GRM5: variants seen among roughly 807,000 people sequenced by gnomAD.
GRM5 encodes the protein glutamate metabotropic receptor 5.
GRM5 carries 19 observed loss-of-function variants against 83.1 expected under a neutral mutation model. The ratio of observed to expected loss-of-function variants is 0.23; its 90% CI spans 0.16 to 0.34. The LOEUF (loss-of-function observed/expected upper bound fraction) is 0.34, where lower values mean the gene tolerates loss of function less well. Among genes scored for constraint, GRM5 ranks in the 10% least tolerant of loss-of-function variants. GRM5 has a pLI of 1.00. For missense variants in GRM5, 1,160 were observed against 1,588.3 expected, an observed-to-expected ratio of 0.73 and a Z score of 4.58; for synonymous variants, 675 against 633.6, an observed-to-expected ratio of 1.07 and a Z score of -0.98.
At chr11:88,799,115 C>T (rs4753199) in intron 3 of GRM5, among the ~76,000 whole-genome samples, 74,175 of 151,818 alleles carry the variant, frequency 0.49, 21,416 homozygotes, top group African/African-American at 0.76. Context: ...ACATGGCCTT[C>T]AACTTAAAAA....
At chr11:88,973,743 T>C (rs907704502) in intron 2 of GRM5, among the ~76,000 whole-genome samples, 3 of 152,100 alleles carry the variant, frequency 2.0e-5, no homozygotes, top group African/African-American at 7.2e-5. Flanking sequence ...CACAGGAAAC[T>C]AATACAAGGA....
chr11:89,042,474 A>G (rs1941556345), intron 2 of GRM5, among the ~76,000 whole-genome samples: 1 of 152,224 alleles, frequency 6.6e-6, no homozygotes, highest in Non-Finnish European at 1.5e-5. Context: ...AATACAGAAG[A>G]TTAAATGCTG....
chr11:88,760,633 A>C (rs1330833750), intron 3 of GRM5, among the ~76,000 whole-genome samples: 2 of 152,162 alleles, frequency 1.3e-5, no homozygotes, highest in African/African-American at 4.8e-5. Context: ...CTAGATGTAC[A>C]AAAAAGAGCT....
chr11:88,796,466 A>G (rs907241403), intron 3 of GRM5, among the ~76,000 whole-genome samples: 12 of 152,228 alleles, frequency 7.9e-5, no homozygotes, highest in Admixed American at 7.9e-4. Flanking sequence ...AATTTAAAAT[A>G]TACATATGAC....
intron 2 of GRM5, among the ~76,000 whole-genome samples, chr11:88,973,133 T>A (rs1434490955): frequency 3.3e-5 from 5 of 152,098 alleles, no homozygotes; most frequent in Non-Finnish European, 7.4e-5. Context: ...CTGGGATAAT[T>A]AGGAAAATGT....
chr11:88,991,923 C>T (rs979365022), intron 2 of GRM5, among the ~76,000 whole-genome samples: 2 of 152,048 alleles, frequency 1.3e-5, no homozygotes, highest in African/African-American at 2.4e-5. Context: ...GAAGAAAACC[C>T]AGGCAGTACC....
intron 2 of GRM5, among the ~76,000 whole-genome samples, chr11:88,923,999 TAGACGTTTTTCTAAGGA>T (rs1279334468): frequency 6.6e-6 from 1 of 151,614 alleles, no homozygotes; most frequent in Admixed American, 6.6e-5. Context: ...AAGGTCTGAA[TAGACGTTTTTCTAAGGA>T]AGACATACAA....
chr11:88,984,098 A>T (rs1444555852), intron 2 of GRM5, among the ~76,000 whole-genome samples: 1 of 152,150 alleles, frequency 6.6e-6, no homozygotes, highest in East Asian at 1.9e-4. Context: ...TTATTATTGT[A>T]AAAAGGTGTC....
intron 2 of GRM5, among the ~76,000 whole-genome samples, chr11:88,989,851 C>T (rs1030138947): frequency 2.6e-5 from 4 of 151,806 alleles, no homozygotes; most frequent in Non-Finnish European, 5.9e-5. Flanking sequence ...CTCTGGGACG[C>T]ATTCAAAGCA....
At chr11:88,637,248 T>C (rs763121482) in intron 4 of GRM5, among the ~76,000 whole-genome samples, 2 of 152,068 alleles carry the variant, frequency 1.3e-5, no homozygotes, top group East Asian at 1.9e-4. Context: ...GCATGGGCAA[T>C]GAATTCATGT....
intron 2 of GRM5, among the ~76,000 whole-genome samples, chr11:88,991,633 C>G (rs983210480): frequency 6.7e-6 from 1 of 150,054 alleles, no homozygotes; most frequent in Non-Finnish European, 1.5e-5. Flanking sequence ...CTACAGTAAC[C>G]AAAACAGCAT....
At chr11:88,510,142 A>G (rs554292253) in intron 9 of GRM5, among the ~76,000 whole-genome samples, 40 of 152,346 alleles carry the variant, frequency 2.6e-4, no homozygotes, top group African/African-American at 8.7e-4. Flanking sequence ...ATGAACACAC[A>G]TTTCTAATGA....
intron 3 of GRM5, among the ~76,000 whole-genome samples, chr11:88,776,414 A>C (rs1421314117): frequency 6.6e-6 from 1 of 152,126 alleles, no homozygotes; most frequent in African/African-American, 2.4e-5. Flanking sequence ...GTATCTTTTA[A>C]TTGGGGCATT....
chr11:88,643,731 C>A (rs534138973), intron 4 of GRM5, among the ~76,000 whole-genome samples: 18 of 148,910 alleles, frequency 1.2e-4, no homozygotes, highest in Non-Finnish European at 2.4e-4. Flanking sequence ...TCTAGCTACT[C>A]TCTCCCAAGC....
chr11:88,814,951 C>G (rs1470082003), intron 3 of GRM5, among the ~76,000 whole-genome samples: 1 of 152,020 alleles, frequency 6.6e-6, no homozygotes, highest in Non-Finnish European at 1.5e-5. Flanking sequence ...ATGAATGAAA[C>G]TGTAAAAATA....
chr11:88,990,755 C>A (rs1485829423), intron 2 of GRM5, among the ~76,000 whole-genome samples: 1 of 151,542 alleles, frequency 6.6e-6, no homozygotes, highest in East Asian at 1.9e-4. Context: ...GAGCCAAAGA[C>A]AAAAACCACA....
chr11:88,814,896 C>T (rs1212559859), intron 3 of GRM5, among the ~76,000 whole-genome samples: 2 of 152,068 alleles, frequency 1.3e-5, no homozygotes, highest in South Asian at 2.1e-4. Context: ...TAATCCTAAT[C>T]ATGTAAGCAC....
At chr11:88,639,882 C>T (rs1318760752) in intron 4 of GRM5, among the ~76,000 whole-genome samples, 1 of 152,128 alleles carries the variant, frequency 6.6e-6, no homozygotes. Context: ...AAATTAAGGG[C>T]TTTCTTCTGG....
At chr11:88,769,583 G>A (rs756151880) in intron 3 of GRM5, among the ~76,000 whole-genome samples, 3 of 151,954 alleles carry the variant, frequency 2.0e-5, no homozygotes, top group African/African-American at 7.2e-5. Context: ...CCCTCACAAA[G>A]CAACAATAAC....
Sources: gnomAD v4.1 joint callset for allele counts (sites outside exome capture counted in the v4.1 genomes callset) on GRCh38, gnomAD v4.1.1 for gene constraint, MANE v1.5 for transcripts, NCBI Gene and HGNC (gene_info 2026-07-23, HGNC 2026-07-21) for gene names.